FRA10AC1: variants seen among roughly 807,000 people sequenced by gnomAD.
FRA10AC1 encodes the protein protein FRA10AC1.
FRA10AC1 carries 43 observed loss-of-function variants against 56.5 expected under a neutral mutation model. The observed-to-expected ratio is 0.76, with a 90% CI of 0.60 to 0.98. The LOEUF (loss-of-function observed/expected upper bound fraction) is 0.98. FRA10AC1 is among the 50% of genes least tolerant of loss of function. The pLI is 0.00. For missense variants in FRA10AC1, 346 were observed against 351.8 expected (o/e 0.98, Z 0.13); for synonymous variants, 112 against 110.5 (o/e 1.01, Z -0.09).
intron 11 of FRA10AC1, among the ~76,000 whole-genome samples, chr10:93,677,325 G>A (rs1312852874): frequency 6.6e-6 from 1 of 152,098 alleles, no homozygotes; most frequent in Non-Finnish European, 1.5e-5. Context: ...AAAAGGGCAG[G>A]TGACAGATGG....
chr10:93,687,477 C>T (rs1171155030), intron 7 of FRA10AC1, 28 bp from the exon 8 acceptor site: 1 of 1,461,398 alleles, frequency 6.8e-7, no homozygotes. Flanking sequence ...ACATTTATGC[C>T]AATGTAAATT....
Position 93,669,771 on chromosome 10 carries a change from A to G in FRA10AC1, c.*55T>C. ...TTATATGGAATTTCAAATTGCATGAAGTTTAAAACTTCATGAAGTTTCACA... is the reference window on the plus strand; with the variant it reads ...TTATATGGAATTTCAAATTGCATGAGGTTTAAAACTTCATGAAGTTTCACA... On this transcript the variant is annotated 3_prime_UTR_variant, in exon 14 of 14. Coordinates refer to ENST00000359204, the MANE Select transcript of FRA10AC1 (RefSeq NM_145246.5). 8.7e-7 allele frequency: 1 copy of G among 1,148,012 alleles called. No homozygotes were observed. Among genetic ancestry groups the G allele is most frequent in the East Asian group, 2.5e-5 (1 of 40,580 alleles). 71.1% of individuals were successfully genotyped at this position (1,148,012 alleles called of 1,614,324 possible).
intron 5 of FRA10AC1, 65 bp downstream of exon 5, chr10:93,694,796 A>G: frequency 1.3e-6 from 1 of 783,738 alleles, no homozygotes. Context: ...AAGGCACAGT[A>G]GCTGTGGGTC....
At chr10:93,676,830 A>G in intron 11 of FRA10AC1, 139 bp from the exon 12 acceptor site, 12 of 1,296,686 alleles carry the variant, frequency 9.3e-6, no homozygotes, top group East Asian at 3.2e-5. Flanking sequence ...CTAATCTTTC[A>G]TGTTCCTTAG....
At chr10:93,680,349 G>A (rs923371028) in intron 11 of FRA10AC1, among the ~76,000 whole-genome samples, 4 of 151,990 alleles carry the variant, frequency 2.6e-5, no homozygotes, top group African/African-American at 9.7e-5. Flanking sequence ...TTAAGATAGA[G>A]ACAAAAAAGG....
At chr10:93,686,987 TTC>T (rs1308091062) in intron 8 of FRA10AC1, among the ~76,000 whole-genome samples, 1 of 151,856 alleles carries the variant, frequency 6.6e-6, no homozygotes, top group Non-Finnish European at 1.5e-5. Context: ...TGCCCCAAAA[TTC>T]TATTGGGATT....
At chr10:93,690,897 A>G (rs2059114675) in intron 7 of FRA10AC1, among the ~76,000 whole-genome samples, 1 of 152,214 alleles carries the variant, frequency 6.6e-6, no homozygotes, top group South Asian at 2.1e-4. Flanking sequence ...GAACATTATT[A>G]CTATTTTCTA....
chr10:93,697,542 G>A (rs760183178), intron 4 of FRA10AC1, among the ~76,000 whole-genome samples: 1 of 152,164 alleles, frequency 6.6e-6, no homozygotes, highest in Non-Finnish European at 1.5e-5. Context: ...TGGATGGCCA[G>A]CGTAGCAGTT....
At chr10:93,676,740 C>A in intron 11 of FRA10AC1, 49 bp from the exon 12 acceptor site, 3 of 1,514,106 alleles carry the variant, frequency 2.0e-6, no homozygotes, top group Non-Finnish European at 1.8e-6. Context: ...TGTAATAGTG[C>A]AATCATTGTA....
At chr10:93,683,524 T>A (rs2133912565) in intron 10 of FRA10AC1, among the ~76,000 whole-genome samples, 1 of 152,248 alleles carries the variant, frequency 6.6e-6, no homozygotes, top group Middle Eastern at 3.4e-3. Flanking sequence ...TTAATTTCTG[T>A]ATTTTCAGTA....
intron 10 of FRA10AC1, among the ~76,000 whole-genome samples, chr10:93,682,617 A>G (rs1467951726): frequency 6.6e-6 from 1 of 152,132 alleles, no homozygotes; most frequent in Non-Finnish European, 1.5e-5. Flanking sequence ...CCTGGGCAAC[A>G]TAGGGAAACA....
chr10:93,686,700 T>C (rs1470422308), intron 8 of FRA10AC1, among the ~76,000 whole-genome samples: 1 of 151,870 alleles, frequency 6.6e-6, no homozygotes, highest in African/African-American at 2.4e-5. Context: ...ATCTTTCCAT[T>C]TAAAAGGTTT....
intron 5 of FRA10AC1, among the ~76,000 whole-genome samples, chr10:93,693,889 A>C (rs552950888): frequency 6.6e-6 from 1 of 151,940 alleles, no homozygotes; most frequent in African/African-American, 2.4e-5. Context: ...ATGCAAAGGC[A>C]AAAGACTGAT....
chr10:93,687,636 A>C (rs369013849), intron 7 of FRA10AC1, 187 bp from the exon 8 acceptor site: 2 of 529,246 alleles, frequency 3.8e-6, no homozygotes, highest in Non-Finnish European at 3.1e-6. Flanking sequence ...GTTAAGAACA[A>C]TCTACTTTAA....
intron 10 of FRA10AC1, among the ~76,000 whole-genome samples, chr10:93,682,952 A>G (rs78863278): frequency 1.2e-4 from 7 of 58,000 alleles, no homozygotes; most frequent in Non-Finnish European, 3.9e-4. Flanking sequence ...CCATGTGATT[A>G]AAAAAAAGAA....
rs1731837031 is a variant in FRA10AC1, at chr10:93,668,056, G to A, written c.*1770C>T. ...CCAGCTCAGTGCCTCACATATAATA[G>A]AAGCCTGATAAATATTTGTGGAATT... On this transcript the variant is annotated 3_prime_UTR_variant, in exon 14 of 14. Coordinates refer to ENST00000359204, the MANE Select transcript of FRA10AC1 (RefSeq NM_145246.5). 1 of 152,084 alleles carries A rather than the reference G, an allele frequency of 6.6e-6. No homozygotes were observed. The highest frequency in any genetic ancestry group is 2.1e-4 in the South Asian group (1 of 4,832). The allele number at this position is 152,084 out of a possible 1,614,324, so 9.4% of individuals were successfully genotyped here.
chr10:93,686,687 G>A (rs889535584), intron 8 of FRA10AC1, among the ~76,000 whole-genome samples: 7 of 151,704 alleles, frequency 4.6e-5, no homozygotes, highest in Non-Finnish European at 7.4e-5. Context: ...ATTTAAAAAT[G>A]TAATCTTTCC....
rs1474923800 is a variant in FRA10AC1, at chr10:93,698,366, T to A, written c.108A>T (p.Lys36Asn). The A allele has an allele frequency of 1.2e-6, 2 of 1,609,440 alleles. No homozygotes were observed. Among genetic ancestry groups the A allele is most frequent in the Non-Finnish European group, 1.7e-6 (2 of 1,177,030 alleles). ...TTCCATGTTTTTCTTTCTGAAATGGTTTTTGGAGCAGTAAGTCATCTTCAA... is the reference window on the plus strand; with the variant it reads ...TTCCATGTTTTTCTTTCTGAAATGGATTTTGGAGCAGTAAGTCATCTTCAA... ...RTVEDDLLLQ[K>N]PFQKEKHGKV... The change falls in exon 3 of 14, where the codon AAA becomes AAT. Residue 36 changes from lysine to asparagine, a missense_variant. By Grantham distance (94) the Lys-to-Asn change is moderately conservative. Coordinates refer to ENST00000359204, the MANE Select transcript of FRA10AC1 (RefSeq NM_145246.5).
chr10:93,684,407 T>C (rs76551534), intron 9 of FRA10AC1, among the ~76,000 whole-genome samples: 2,220 of 152,132 alleles, frequency 0.015, 55 homozygotes, highest in African/African-American at 0.05. Context: ...AGATATCTAA[T>C]AATAATGTGA....
Sources: allele counts gnomAD v4.1 joint callset (sites outside exome capture counted in the v4.1 genomes callset), GRCh38; gene constraint gnomAD v4.1.1; transcripts MANE v1.5; gene names NCBI Gene and HGNC (gene_info 2026-07-23, HGNC 2026-07-21).